The following LCORL variants were observed in gnomAD, a reference collection of about 807,000 sequenced individuals.
LCORL encodes ligand dependent nuclear receptor corepressor like.
In LCORL, 41 loss-of-function variants were observed where a neutral mutation model predicts 141.8. The observed-to-expected ratio is 0.29, with a 90% CI of 0.23 to 0.38. The LOEUF (loss-of-function observed/expected upper bound fraction) is 0.38. Ranked by LOEUF, LCORL falls within the 10% of genes least tolerant of loss-of-function variation. The probability of loss-of-function intolerance (pLI) is 1.00; values close to 1 mark genes in which losing one functional copy is unlikely to be tolerated. For missense variants in LCORL, 1,759 were observed against 2,035.0 expected (o/e 0.86, Z 2.61); for synonymous variants, 618 against 694.1 (o/e 0.89, Z 1.72).
exon 8 of LCORL, chr4:17,844,534 A>AAGAT (rs1303860708): frequency 3.3e-5 from 5 of 152,458 alleles, no homozygotes; most frequent in African/African-American, 1.2e-4. Context: ...GTTTCAAAGC[A>AAGAT]AGATAGTTAT....
intron 1 of LCORL, among the ~76,000 whole-genome samples, chr4:18,016,177 C>CATA (rs10689929): frequency 0.24 from 36,064 of 151,862 alleles, 5,441 homozygotes; most frequent in African/African-American, 0.43. Flanking sequence ...GTAAACCAAT[C>CATA]ATACTAGCAA....
intron 5 of LCORL, 70 bp downstream of exon 5, chr4:17,909,021 TAAA>T: frequency 1.5e-6 from 2 of 1,322,158 alleles, no homozygotes; most frequent in Non-Finnish European, 2.0e-6. Context: ...CCTATGAATA[TAAA>T]AAGTTATAAA....
intron 2 of LCORL, among the ~76,000 whole-genome samples, chr4:17,964,228 G>C (rs55981739): frequency 7.9e-5 from 12 of 152,182 alleles, no homozygotes; most frequent in African/African-American, 2.9e-4. Context: ...TAGGGTAATG[G>C]AAAGATAACT....
intron 5 of LCORL, among the ~76,000 whole-genome samples, chr4:17,907,342 C>G (rs997652430): frequency 6.6e-6 from 1 of 152,088 alleles, no homozygotes; most frequent in Non-Finnish European, 1.5e-5. Context: ...TCACATTGTT[C>G]CAATGGGTCC....
At chr4:17,878,402 T>C (rs190553580) in intron 6 of LCORL, among the ~76,000 whole-genome samples, 189 bp from the exon 7 acceptor site, 1 of 151,630 alleles carries the variant, frequency 6.6e-6, no homozygotes, top group Non-Finnish European at 1.5e-5. Flanking sequence ...TAATTTCCTA[T>C]GACAAAGTAT....
intron 5 of LCORL, among the ~76,000 whole-genome samples, chr4:17,892,771 T>C (rs1004393889): frequency 6.6e-6 from 1 of 152,218 alleles, no homozygotes; most frequent in African/African-American, 2.4e-5. Flanking sequence ...CTTTTTTCTT[T>C]CTTCAGTTAT....
chr4:17,854,120 G>A (rs953034737), intron 7 of LCORL, among the ~76,000 whole-genome samples: 4 of 152,104 alleles, frequency 2.6e-5, no homozygotes, highest in Non-Finnish European at 4.4e-5. Context: ...ATGTTGGTAA[G>A]CTGGGGCAGA....
At chr4:18,004,869 C>T (rs1020056657) in intron 1 of LCORL, among the ~76,000 whole-genome samples, 1 of 151,220 alleles carries the variant, frequency 6.6e-6, no homozygotes, top group Non-Finnish European at 1.5e-5. Context: ...GAGAAATTGG[C>T]AAAAACAAAG....
chr4:18,000,300 T>TA (rs1207866311), intron 1 of LCORL, among the ~76,000 whole-genome samples: 1 of 151,928 alleles, frequency 6.6e-6, no homozygotes, highest in Non-Finnish European at 1.5e-5. Flanking sequence ...AACAAGCAAT[T>TA]AAAAAATAGC....
intron 5 of LCORL, among the ~76,000 whole-genome samples, chr4:17,889,729 A>T (rs950273748): frequency 6.6e-6 from 1 of 151,486 alleles, no homozygotes; most frequent in Non-Finnish European, 1.5e-5. Context: ...GAGAAAGCCC[A>T]GGAATGGTGG....
chr4:17,903,131 G>A (rs1731122517), intron 5 of LCORL, among the ~76,000 whole-genome samples: 1 of 152,030 alleles, frequency 6.6e-6, no homozygotes, highest in African/African-American at 2.4e-5. Flanking sequence ...TGAGGATGGT[G>A]AAGATTTTTA....
intron 7 of LCORL, among the ~76,000 whole-genome samples, chr4:17,846,306 A>G (rs16895881): frequency 0.049 from 7,469 of 152,202 alleles, 621 homozygotes; most frequent in African/African-American, 0.17. Flanking sequence ...CCACCTTCAC[A>G]TGTATTGTCT....
intron 6 of LCORL, chr4:17,880,930 G>A (rs887874496): frequency 1.0e-5 from 10 of 972,862 alleles, no homozygotes; most frequent in Non-Finnish European, 1.1e-5. Flanking sequence ...AACAAAATCT[G>A]TCAAAATCAA....
chr4:17,956,380 C>T (rs898958891), intron 4 of LCORL, among the ~76,000 whole-genome samples: 1 of 152,082 alleles, frequency 6.6e-6, no homozygotes, highest in Non-Finnish European at 1.5e-5. Context: ...CAGTACTATT[C>T]ACAATAGCCA....
intron 4 of LCORL, among the ~76,000 whole-genome samples, chr4:17,923,051 T>A (rs1296121316): frequency 6.6e-6 from 1 of 152,316 alleles, no homozygotes; most frequent in Non-Finnish European, 1.5e-5. Context: ...TCTAGACCTA[T>A]AACTAAAGTC....
chr4:17,876,117 C>G (rs934012587), exon 7 of LCORL: 2 of 1,230,706 alleles, frequency 1.6e-6, no homozygotes, highest in Admixed American at 8.5e-5. Flanking sequence ...TTTGATAGGA[C>G]TAGAATAGTT....
At chr4:17,843,441 T>C in exon 8 of LCORL, 1 of 1,609,396 alleles carries the variant, frequency 6.2e-7, no homozygotes. Context: ...ACGATGGAGG[T>C]GGAATCCTTT....
intron 4 of LCORL, among the ~76,000 whole-genome samples, chr4:17,920,016 A>G (rs1734041961): frequency 6.6e-6 from 1 of 152,238 alleles, no homozygotes; most frequent in South Asian, 2.1e-4. Context: ...TCCATTCCCC[A>G]TGCCTTGCCC....
intron 1 of LCORL, among the ~76,000 whole-genome samples, chr4:18,009,477 C>T (rs980241787): frequency 2.0e-5 from 3 of 152,002 alleles, no homozygotes; most frequent in Admixed American, 2.0e-4. Flanking sequence ...CTATGAAATC[C>T]CATATTGTAC....
Sources: gnomAD v4.1 joint callset for allele counts (sites outside exome capture counted in the v4.1 genomes callset) on GRCh38, gnomAD v4.1.1 for gene constraint, MANE v1.5 for transcripts, NCBI Gene and HGNC (gene_info 2026-07-23, HGNC 2026-07-21) for gene names.